The following ASIC2 variants were observed in gnomAD, a reference collection of about 807,000 sequenced individuals.
ASIC2 encodes the protein acid sensing ion channel subunit 2, also known as acid-sensing ion channel 2.
A neutral mutation model predicts 57.3 loss-of-function variants in ASIC2; 25 were observed. The observed-to-expected ratio is 0.44, with a 90% CI of 0.32 to 0.61. The LOEUF (loss-of-function observed/expected upper bound fraction) is 0.61, where lower values mean the gene tolerates loss of function less well. Among genes scored for constraint, ASIC2 ranks in the 20% least tolerant of loss-of-function variants. The probability of loss-of-function intolerance (pLI) is 0.06; values close to 1 mark genes in which losing one functional copy is unlikely to be tolerated. For missense variants in ASIC2, 641 were observed against 738.1 expected, an observed-to-expected ratio of 0.87 and a Z score of 1.52; for synonymous variants, 319 against 307.5, an observed-to-expected ratio of 1.04 and a Z score of -0.39.
intron 1 of ASIC2, among the ~76,000 whole-genome samples, chr17:34,047,920 G>T (rs1416648379): frequency 6.6e-6 from 1 of 152,176 alleles, no homozygotes; most frequent in African/African-American, 2.4e-5. Context: ...TCCTGGATTT[G>T]CCAGGTCAGA....
chr17:33,465,813 C>T (rs1344888722), intron 1 of ASIC2, among the ~76,000 whole-genome samples: 3 of 152,158 alleles, frequency 2.0e-5, no homozygotes, highest in Non-Finnish European at 4.4e-5. Context: ...GATTTTTGGT[C>T]CTCCAGCTTT....
At chr17:33,304,779 TC>T (rs1421573230) in intron 1 of ASIC2, among the ~76,000 whole-genome samples, 1 of 152,104 alleles carries the variant, frequency 6.6e-6, no homozygotes, top group African/African-American at 2.4e-5. Flanking sequence ...TGCGAAACTG[TC>T]CCCAATCAGG....
intron 3 of ASIC2, among the ~76,000 whole-genome samples, chr17:33,073,673 C>T (rs1275991452): frequency 1.3e-5 from 2 of 152,192 alleles, no homozygotes; most frequent in East Asian, 1.9e-4. Flanking sequence ...TGCTAAGACT[C>T]ATTTACAGAG....
At chr17:33,164,637 C>T (rs536048220) in intron 1 of ASIC2, among the ~76,000 whole-genome samples, 5 of 152,226 alleles carry the variant, frequency 3.3e-5, no homozygotes, top group African/African-American at 1.2e-4. Flanking sequence ...CATGCAAACA[C>T]GACTGTTGCA....
chr17:33,134,503 G>A (rs2092360112), intron 1 of ASIC2, among the ~76,000 whole-genome samples: 1 of 152,206 alleles, frequency 6.6e-6, no homozygotes, highest in South Asian at 2.1e-4. Context: ...CTAAAAAGGA[G>A]TTATTTATAT....
At chr17:34,085,499 CTT>C (rs990110093) in intron 1 of ASIC2, among the ~76,000 whole-genome samples, 2 of 152,172 alleles carry the variant, frequency 1.3e-5, no homozygotes, top group Non-Finnish European at 2.9e-5. Context: ...CTAAAATTCT[CTT>C]TTTTGGTTGT....
At chr17:34,039,098 A>G (rs1438114314) in intron 1 of ASIC2, 37 of 1,614,010 alleles carry the variant, frequency 2.3e-5, no homozygotes, top group Non-Finnish European at 3.0e-5. Flanking sequence ...CGTTCCTTGT[A>G]TTTCTCTAGC....
chr17:33,885,028 T>G (rs1035685604), intron 1 of ASIC2, among the ~76,000 whole-genome samples: 1 of 152,164 alleles, frequency 6.6e-6, no homozygotes, highest in African/African-American at 2.4e-5. Context: ...TCAAAAACCC[T>G]TCAAAGCCTC....
intron 1 of ASIC2, among the ~76,000 whole-genome samples, chr17:33,375,854 C>T (rs897689747): frequency 7.3e-5 from 11 of 150,512 alleles, no homozygotes; most frequent in African/African-American, 2.7e-4. Flanking sequence ...GCTCAGGAAA[C>T]CTGTTGCCTG....
chr17:33,802,758 C>T (rs1167319623), intron 1 of ASIC2, among the ~76,000 whole-genome samples: 1 of 152,242 alleles, frequency 6.6e-6, no homozygotes, highest in Non-Finnish European at 1.5e-5. Flanking sequence ...TGCCGTTGGC[C>T]TAGAGGCCAG....
At chr17:34,030,246 A>C (rs1907541630) in intron 1 of ASIC2, among the ~76,000 whole-genome samples, 2 of 152,216 alleles carry the variant, frequency 1.3e-5, no homozygotes, top group South Asian at 2.1e-4. Context: ...TGCTCCTCAC[A>C]GTCTATACCC....
chr17:33,285,294 C>T (rs927595982), intron 1 of ASIC2, among the ~76,000 whole-genome samples: 4 of 152,156 alleles, frequency 2.6e-5, no homozygotes, highest in African/African-American at 4.8e-5. Flanking sequence ...CTAATTTCCC[C>T]GAAGTCAAAT....
intron 1 of ASIC2, among the ~76,000 whole-genome samples, chr17:34,088,631 T>G (rs1244962124): frequency 1.3e-5 from 2 of 152,238 alleles, no homozygotes; most frequent in African/African-American, 4.8e-5. Flanking sequence ...CTGTGCCCTG[T>G]CCCCAGAAGT....
chr17:33,519,056 G>T (rs985793139), intron 1 of ASIC2, among the ~76,000 whole-genome samples: 11 of 152,002 alleles, frequency 7.2e-5, no homozygotes, highest in Admixed American at 2.0e-4. Flanking sequence ...TCCTGACCTC[G>T]TGATCCGCCC....
chr17:33,983,959 A>G (rs1208664204), intron 1 of ASIC2, among the ~76,000 whole-genome samples: 1 of 152,160 alleles, frequency 6.6e-6, no homozygotes, highest in East Asian at 1.9e-4. Context: ...TGTGCTGGCA[A>G]GCTTGGGCCC....
chr17:33,708,992 A>G (rs1181956809), intron 1 of ASIC2, among the ~76,000 whole-genome samples: 1 of 152,216 alleles, frequency 6.6e-6, no homozygotes, highest in Non-Finnish European at 1.5e-5. Context: ...AGGTATAATT[A>G]CCAACTATTC....
chr17:33,242,698 AG>A, intron 1 of ASIC2, among the ~76,000 whole-genome samples: 1 of 152,176 alleles, frequency 6.6e-6, no homozygotes, highest in Non-Finnish European at 1.5e-5. Context: ...ATTCCACTTT[AG>A]TGTATAATCG....
chr17:33,425,940 T>C (rs1911204750), intron 1 of ASIC2, among the ~76,000 whole-genome samples: 3 of 152,066 alleles, frequency 2.0e-5, no homozygotes, highest in Non-Finnish European at 4.4e-5. Flanking sequence ...CAAAAATGGC[T>C]GTAGGGGTGG....
chr17:33,659,898 A>C (rs548822380), intron 1 of ASIC2, among the ~76,000 whole-genome samples: 8 of 148,810 alleles, frequency 5.4e-5, no homozygotes, highest in African/African-American at 1.7e-4. Context: ...AAATAAATAA[A>C]TAAATAAATA....
Sources: allele counts gnomAD v4.1 joint callset (sites outside exome capture counted in the v4.1 genomes callset), GRCh38; gene constraint gnomAD v4.1.1; transcripts MANE v1.5; gene names NCBI Gene and HGNC (gene_info 2026-07-23, HGNC 2026-07-21).